The following CAMSAP2 variants were observed in gnomAD, a reference collection of about 807,000 sequenced individuals.
CAMSAP2 encodes calmodulin-regulated spectrin-associated protein 2.
Under a neutral mutation model 146.1 loss-of-function variants are expected in CAMSAP2, and 26 were observed. The observed-to-expected ratio is 0.18, with a 90% CI of 0.13 to 0.25. The LOEUF (loss-of-function observed/expected upper bound fraction) is 0.25, where lower values mean the gene tolerates loss of function less well. CAMSAP2 is among the 10% of genes least tolerant of loss of function. CAMSAP2 has a pLI of 1.00. For missense variants in CAMSAP2, 1,381 were observed against 1,759.3 expected (o/e 0.78, Z 3.85); for synonymous variants, 499 against 596.6 (o/e 0.84, Z 2.38).
chr1:200,800,529 T>A (rs1666006985), intron 2 of CAMSAP2, among the ~76,000 whole-genome samples: 1 of 152,172 alleles, frequency 6.6e-6, no homozygotes, highest in South Asian at 2.1e-4. Context: ...TAAATCTTCC[T>A]CCATCCCTTT....
At chr1:200,805,983 T>A (rs866416416) in intron 2 of CAMSAP2, among the ~76,000 whole-genome samples, 31 of 152,118 alleles carry the variant, frequency 2.0e-4, no homozygotes, top group African/African-American at 7.5e-4. Context: ...AAATTCCAGA[T>A]GGAATTAAAG....
chr1:200,798,725 A>G (rs1254396153), intron 2 of CAMSAP2, among the ~76,000 whole-genome samples: 1 of 140,610 alleles, frequency 7.1e-6, no homozygotes, highest in Non-Finnish European at 1.5e-5. Flanking sequence ...GTGGTGAGAG[A>G]GGGCATCCCT....
At chr1:200,740,572 A>G (rs1219132657) in intron 1 of CAMSAP2, among the ~76,000 whole-genome samples, 3 of 152,188 alleles carry the variant, frequency 2.0e-5, no homozygotes, top group Non-Finnish European at 2.9e-5. Flanking sequence ...TGTAGGGTGC[A>G]GTTTTCATTT....
intron 6 of CAMSAP2, among the ~76,000 whole-genome samples, chr1:200,834,968 A>G (rs1302494059): frequency 6.6e-6 from 1 of 152,262 alleles, no homozygotes; most frequent in Non-Finnish European, 1.5e-5. Context: ...AGGTTAAAAA[A>G]GAGTGTTTAA....
Position 200,844,817 on chromosome 1 carries a change from T to C in CAMSAP2, c.1057T>C (p.Leu353=), listed in dbSNP as rs1419155844. ...PVKDMPSIPV[L]NAAKRNVLDS... ...AAAAGATATGCCTTCAATTCCTGTC[T>C]TGAATGCTGCCAAAAGAAATGTCTT... is the stretch of plus-strand genomic sequence containing the variant. Residue 353 remains leucine, a synonymous_variant, in exon 8 of 17, where the codon TTG becomes CTG. Transcript: ENST00000358823. 1.3e-6 allele frequency: 2 copies of C among 1,596,058 alleles called. No homozygotes were observed. The highest frequency in any genetic ancestry group is 1.8e-5 in the Admixed American group (1 of 55,834).
chr1:200,814,591 C>T (rs1429926528), intron 3 of CAMSAP2, among the ~76,000 whole-genome samples: 1 of 111,248 alleles, frequency 9.0e-6, no homozygotes, highest in African/African-American at 3.6e-5. Context: ...GCCTGGGCGA[C>T]AGTGTGAGAT....
At chr1:200,823,373 T>C (rs2102196460) in intron 4 of CAMSAP2, among the ~76,000 whole-genome samples, 1 of 152,374 alleles carries the variant, frequency 6.6e-6, no homozygotes, top group East Asian at 1.9e-4. Context: ...TTTTCTCTAA[T>C]GTTAACATCT....
Position 200,849,952 on chromosome 1 carries a change from A to G in CAMSAP2, c.3183A>G (p.Glu1061=). The part of the protein sequence containing the change: ...EQRGHNPEEK[E]IKPFESTVSE... ...GTGGACATAATCCAGAAGAAAAGGAAATCAAACCTTTTGAGTCAACAGTCT... is the reference window on the plus strand; with the variant it reads ...GTGGACATAATCCAGAAGAAAAGGAGATCAAACCTTTTGAGTCAACAGTCT... The change falls in exon 11 of 17, where the codon GAA becomes GAG. Residue 1061 remains glutamate, a synonymous_variant. Transcript: ENST00000358823. This position sits in a 1 kb window ranked among gnomAD's most constrained non-coding sequence, Gnocchi z 6.3. The G allele has an allele frequency of 6.2e-7, 1 of 1,614,146 alleles. No homozygotes were observed. Among genetic ancestry groups the G allele is most frequent in the Non-Finnish European group, 8.5e-7 (1 of 1,180,012 alleles).
chr1:200,838,378 A>G (rs1345043952), intron 6 of CAMSAP2, among the ~76,000 whole-genome samples: 8 of 152,230 alleles, frequency 5.3e-5, no homozygotes, highest in Non-Finnish European at 1.2e-4. Flanking sequence ...AAAGTATACC[A>G]TAAAGATAAG....
intron 2 of CAMSAP2, among the ~76,000 whole-genome samples, chr1:200,789,635 T>G (rs1274493974): frequency 2.6e-5 from 4 of 152,234 alleles, no homozygotes; most frequent in African/African-American, 9.6e-5. Context: ...TATTATTTGC[T>G]ATTCTAGGTC....
intron 2 of CAMSAP2, among the ~76,000 whole-genome samples, chr1:200,769,974 T>G (rs1330449445): frequency 6.6e-6 from 1 of 152,166 alleles, no homozygotes; most frequent in Non-Finnish European, 1.5e-5. Flanking sequence ...AAGATTATAA[T>G]GAAAGACTAT....
chr1:200,809,900 G>T (rs1013798134), intron 3 of CAMSAP2, among the ~76,000 whole-genome samples: 16 of 152,130 alleles, frequency 1.1e-4, no homozygotes, highest in Non-Finnish European at 1.2e-4. Flanking sequence ...GCAGCACAGG[G>T]CATCATCACA....
rs562906429 is a variant in CAMSAP2 at position 200,859,575 on chromosome 1, G to C, written c.*1516G>C. The C allele has an allele frequency of 6.6e-6, 1 of 152,330 alleles. No individual in the cohort carries two copies. Among genetic ancestry groups the C allele is most frequent in the East Asian group, 1.9e-4 (1 of 5,232 alleles). The allele number at this position is 152,330 out of a possible 1,614,324, so 9.4% of individuals were successfully genotyped here. A position where few individuals can be genotyped will look rare whatever the true frequency, so the allele number is the denominator to read the frequency against. The stretch of plus-strand genomic sequence containing the variant: ...CTGTAATTTATGTTCTTATATTTAT[G>C]TATATTTGTTAAAACTGTAAAAAAA... On this transcript the variant is annotated 3_prime_UTR_variant, in exon 17 of 17. Coordinates refer to ENST00000358823, the MANE Select transcript of CAMSAP2 (RefSeq NM_203459.4).
chr1:200,807,614 C>A, intron 3 of CAMSAP2, 77 bp downstream of exon 3: 3 of 995,730 alleles, frequency 3.0e-6, no homozygotes, highest in East Asian at 3.2e-5. Context: ...ATTGCCACTT[C>A]ATTACTCTTT....
chr1:200,816,586 C>T (rs1666492474), intron 4 of CAMSAP2, among the ~76,000 whole-genome samples: 1 of 107,666 alleles, frequency 9.3e-6, no homozygotes, highest in African/African-American at 3.4e-5. Flanking sequence ...AAGAGCAAAA[C>T]TTCATCTCAA....
intron 3 of CAMSAP2, among the ~76,000 whole-genome samples, chr1:200,812,944 T>C (rs1190450274): frequency 6.6e-6 from 1 of 152,244 alleles, no homozygotes; most frequent in African/African-American, 2.4e-5. Context: ...CTCTCTGGAA[T>C]GCTCTTTCCT....
At chr1:200,743,577 T>G (rs1320919580) in intron 1 of CAMSAP2, among the ~76,000 whole-genome samples, 1 of 151,696 alleles carries the variant, frequency 6.6e-6, no homozygotes, top group African/African-American at 2.4e-5. Context: ...AACAGAAAAT[T>G]TACCAATAAG....
chr1:200,856,062 G>A lies in CAMSAP2; in HGVS notation c.3949G>A (p.Gly1317Arg). The change falls in exon 15 of 17, where the codon GGA becomes AGA. Residue 1317 changes from glycine (G) to arginine (R), a missense_variant. Gly to Arg is a moderately radical substitution (Grantham distance 125). Transcript: ENST00000358823. The stretch of plus-strand genomic sequence containing the variant: ...TCCAAGTCGTTGTGGCAGTCGAAAT[G>A]GAGAAAAAGACTGGGAGAATGCATC... The part of the protein sequence containing the change: ...LSPSRCGSRN[G>R]EKDWENASTT... 1 of 1,614,006 alleles carries A rather than the reference G, an allele frequency of 6.2e-7. No homozygotes were observed. The highest frequency in any genetic ancestry group is 8.5e-7 in the Non-Finnish European group (1 of 1,179,918).
chr1:200,765,558 C>G (rs879906417), intron 2 of CAMSAP2, among the ~76,000 whole-genome samples: 1 of 151,962 alleles, frequency 6.6e-6, no homozygotes, highest in Non-Finnish European at 1.5e-5. Flanking sequence ...TCCAGCTGAC[C>G]ACTGACATCT....
Sources: gnomAD v4.1 joint callset for allele counts (sites outside exome capture counted in the v4.1 genomes callset) on GRCh38, gnomAD v4.1.1 for gene constraint, Gnocchi (gnomAD v3.1) non-coding constraint, MANE v1.5 for transcripts, NCBI Gene and HGNC (gene_info 2026-07-23, HGNC 2026-07-21) for gene names.